The following KPNA1 variants were observed in gnomAD, a reference collection of about 807,000 sequenced individuals.
The protein encoded by KPNA1 is karyopherin subunit alpha 1.
Under a neutral mutation model 70.5 loss-of-function variants are expected in KPNA1, and 10 were observed. The observed-to-expected ratio is 0.14, with a 90% confidence interval of 0.09 to 0.24. KPNA1 has a LOEUF of 0.24. Among genes scored for constraint, KPNA1 ranks in the 10% least tolerant of loss-of-function variants. The pLI, the probability that KPNA1 is intolerant of heterozygous loss-of-function variation, is 1.00. For synonymous variants in KPNA1, 192 were observed against 221.9 expected, an observed-to-expected ratio of 0.87 and a Z score of 1.20; for missense variants, 397 against 637.9, an observed-to-expected ratio of 0.62 and a Z score of 4.07.
chr3:122,494,112 T>C (rs6805271), intron 2 of KPNA1, among the ~76,000 whole-genome samples: 34,063 of 152,076 alleles, frequency 0.22, 4,233 homozygotes, highest in Non-Finnish European at 0.27. Context: ...GTCTGTTAAA[T>C]ACATTATTGC....
At chr3:122,475,328 A>G (rs1358629367) in intron 2 of KPNA1, among the ~76,000 whole-genome samples, 1 of 152,218 alleles carries the variant, frequency 6.6e-6, no homozygotes, top group Admixed American at 6.5e-5. Context: ...TACATTAAAA[A>G]CTACATAAAA....
At chr3:122,448,192 G>A (rs1287668579) in intron 9 of KPNA1, among the ~76,000 whole-genome samples, 2 of 152,142 alleles carry the variant, frequency 1.3e-5, no homozygotes, top group South Asian at 4.1e-4. Context: ...ACAGTGTGGC[G>A]ATTCCTCAAG....
rs1156651167 is a variant in KPNA1 at position 122,426,839 on chromosome 3, G to C, written c.*146C>G. On this transcript the variant is annotated 3_prime_UTR_variant, in exon 14 of 14. Coordinates refer to ENST00000344337, the MANE Select transcript of KPNA1 (RefSeq NM_002264.4). ...GGAGGTTTTCCAGATGTGTGTAAGA[G>C]AGCAGGTGCGCAAGGCAAGCAAATG... 3.3e-6 allele frequency: 2 copies of C among 611,282 alleles called. No homozygotes were observed. The highest frequency in any genetic ancestry group is 1.9e-5 in the African/African-American group (1 of 54,042). 37.9% of individuals were successfully genotyped at this position (611,282 alleles called of 1,614,324 possible).
chr3:122,424,445 T>A lies in KPNA1; in HGVS notation c.*2540A>T, dbSNP rs1180913556. Reference sequence around the variant, plus strand: ...TTATGCTACTTCACTTTTAGCCAATTCCAACTTTGATACTTTAAGAAAAAA... The same window carrying A: ...TTATGCTACTTCACTTTTAGCCAATACCAACTTTGATACTTTAAGAAAAAA... On this transcript the variant is annotated 3_prime_UTR_variant, in exon 14 of 14. Coordinates refer to ENST00000344337, the MANE Select transcript of KPNA1 (RefSeq NM_002264.4). 6 of 152,150 alleles carry A rather than the reference T, an allele frequency of 3.9e-5. No homozygotes were observed. The highest frequency in any genetic ancestry group is 8.8e-5 in the Non-Finnish European group (6 of 68,016). The allele number at this position is 152,150 out of a possible 1,614,324, so 9.4% of individuals were successfully genotyped here.
chr3:122,441,890 C>T (rs577852845), intron 10 of KPNA1, 148 bp downstream of exon 10: 45 of 705,534 alleles, frequency 6.4e-5, no homozygotes, highest in African/African-American at 4.3e-4. Context: ...CGTGAGTGAC[C>T]GCCCCCGGCC....
intron 11 of KPNA1, among the ~76,000 whole-genome samples, chr3:122,434,724 C>G (rs777086701): frequency 6.6e-6 from 1 of 152,188 alleles, no homozygotes; most frequent in Non-Finnish European, 1.5e-5. Flanking sequence ...CAATCCCCTT[C>G]ATGTACTAAC....
intron 2 of KPNA1, among the ~76,000 whole-genome samples, chr3:122,496,034 T>G (rs2076756535): frequency 6.6e-6 from 1 of 152,230 alleles, no homozygotes; most frequent in South Asian, 2.1e-4. Flanking sequence ...TCTTTCTTTT[T>G]GTGTATATTT....
intron 1 of KPNA1, among the ~76,000 whole-genome samples, chr3:122,513,665 G>A (rs2076981345): frequency 6.6e-6 from 1 of 151,934 alleles, no homozygotes. Flanking sequence ...AAAACAGGAG[G>A]GGGGAAATCA....
At chr3:122,503,795 G>T (rs1439864805) in intron 1 of KPNA1, among the ~76,000 whole-genome samples, 1 of 152,108 alleles carries the variant, frequency 6.6e-6, no homozygotes, top group Non-Finnish European at 1.5e-5. Flanking sequence ...GTGATGGTGT[G>T]TATTACCCCT....
chr3:122,427,534 T>C lies in KPNA1; in HGVS notation c.1429+4A>G, dbSNP rs567518627. The C allele has an allele frequency of 6.2e-7, 1 of 1,608,850 alleles. No homozygotes were observed. The highest frequency in any genetic ancestry group is 1.3e-5 in the African/African-American group (1 of 74,840). The stretch of plus-strand genomic sequence containing the variant: ...CATAAACTTCTTCAACCAAAGCATC[T>C]TACCATAAGCTTCTTCAATCAAAGC... On this transcript the variant is annotated splice_donor_region_variant and intron_variant, in intron 13 of 13. Transcript: ENST00000344337.
chr3:122,513,277 A>G (rs1335721893), intron 1 of KPNA1, among the ~76,000 whole-genome samples: 1 of 152,216 alleles, frequency 6.6e-6, no homozygotes, highest in Non-Finnish European at 1.5e-5. Context: ...AATATATGTA[A>G]AGCATTTAAC....
At chr3:122,480,153 A>G (rs769241325) in intron 2 of KPNA1, among the ~76,000 whole-genome samples, 3 of 152,176 alleles carry the variant, frequency 2.0e-5, no homozygotes, top group Non-Finnish European at 4.4e-5. Context: ...TAGTTGTTGT[A>G]GGAGGTTGGG....
intron 1 of KPNA1, among the ~76,000 whole-genome samples, chr3:122,511,226 C>A (rs2076951306): frequency 6.6e-6 from 1 of 152,184 alleles, no homozygotes; most frequent in African/African-American, 2.4e-5. Flanking sequence ...TGACCCCAAG[C>A]TGCCTATTCT....
intron 2 of KPNA1, among the ~76,000 whole-genome samples, chr3:122,481,098 C>CA (rs1158150551): frequency 1.3e-5 from 2 of 152,160 alleles, no homozygotes; most frequent in African/African-American, 4.8e-5. Flanking sequence ...GGCAGTTCCA[C>CA]AAAATATTAA....
intron 2 of KPNA1, among the ~76,000 whole-genome samples, chr3:122,473,329 C>CT: frequency 6.6e-6 from 1 of 152,206 alleles, no homozygotes; most frequent in Non-Finnish European, 1.5e-5. Flanking sequence ...TCTGTACCAT[C>CT]TCCTACACAA....
chr3:122,469,723 T>A (rs2076420700), intron 2 of KPNA1, among the ~76,000 whole-genome samples: 1 of 151,990 alleles, frequency 6.6e-6, no homozygotes, highest in African/African-American at 2.4e-5. Context: ...CCACTACACC[T>A]AGGGATATCA....
chr3:122,425,341 CAG>C lies in KPNA1; in HGVS notation c.*1642_*1643del, dbSNP rs2075808235. Reference sequence around the variant, plus strand: ...TTACCAGAGATGTATAATAGCTTGTCAGGGGCAACTTCCAAATAGTTTTTACA... The same window carrying C: ...TTACCAGAGATGTATAATAGCTTGTCGGGCAACTTCCAAATAGTTTTTACA... On this transcript the variant is annotated 3_prime_UTR_variant, in exon 14 of 14. Coordinates refer to ENST00000344337, the MANE Select transcript of KPNA1 (RefSeq NM_002264.4). 1.3e-5 allele frequency: 2 copies of C among 152,728 alleles called. No homozygotes were observed. The highest frequency in any genetic ancestry group is 2.4e-5 in the African/African-American group (1 of 41,560). The allele number at this position is 152,728 out of a possible 1,614,324, so 9.5% of individuals were successfully genotyped here. A position where few individuals can be genotyped will look rare whatever the true frequency, so the allele number is the denominator to read the frequency against.
Position 122,478,894 on chromosome 3 carries a change from C to CAAAAA in KPNA1, c.130-11470_130-11466dup, listed in dbSNP as rs57843662. On this transcript the variant is annotated intron_variant, in intron 2 of 13. Transcript: ENST00000344337. Reference sequence around the variant, plus strand: ...GGGCAACAAGAGCAAAACCTCGTCTCAAAAAAAAAAAAAAAAAAAAAAAAA... The same window carrying CAAAAA: ...GGGCAACAAGAGCAAAACCTCGTCTCAAAAAAAAAAAAAAAAAAAAAAAAAAAAAA... 2.4e-3 allele frequency among the ~76,000 whole-genome samples: 44 copies of CAAAAA among 18,692 alleles called. 1 individual carries two copies. Among genetic ancestry groups the CAAAAA allele is most frequent in the Non-Finnish European group, 3.2e-3 (36 of 11,358 alleles). The allele number at this position is 18,692 out of a possible 152,430, so 12.3% of individuals were successfully genotyped here.
intron 1 of KPNA1, among the ~76,000 whole-genome samples, chr3:122,498,100 C>T (rs916363883): frequency 6.6e-6 from 1 of 152,148 alleles, no homozygotes; most frequent in Non-Finnish European, 1.5e-5. Context: ...ATGTGTCTAT[C>T]CAGCTGTCCC....
Sources: allele counts gnomAD v4.1 joint callset (sites outside exome capture counted in the v4.1 genomes callset), GRCh38; gene constraint gnomAD v4.1.1; transcripts MANE v1.5; gene names NCBI Gene and HGNC (gene_info 2026-07-23, HGNC 2026-07-21).